Variants in CDKAL1 observed in about 807,000 individuals in gnomAD.
The protein encoded by CDKAL1 is threonylcarbamoyladenosine tRNA methylthiotransferase.
In CDKAL1, 32 loss-of-function variants were observed where a neutral mutation model predicts 68.2. The ratio of observed to expected loss-of-function variants is 0.47; its 90% CI spans 0.35 to 0.63. CDKAL1 has a LOEUF of 0.63. Ranked by LOEUF, CDKAL1 falls within the 30% of genes least tolerant of loss-of-function variation. The pLI is 0.00. For synonymous variants in CDKAL1, 234 were observed against 244.3 expected (o/e 0.96, Z 0.39); for missense variants, 606 against 696.7 (o/e 0.87, Z 1.47).
At chr6:20,808,363 A>G (rs1776657915) in intron 8 of CDKAL1, among the ~76,000 whole-genome samples, 1 of 152,338 alleles carries the variant, frequency 6.6e-6, no homozygotes, top group East Asian at 1.9e-4. Flanking sequence ...CCTACATAAT[A>G]ACCTTGACAT....
intron 12 of CDKAL1, among the ~76,000 whole-genome samples, chr6:21,066,133 C>G (rs918233411): frequency 3.9e-5 from 6 of 151,962 alleles, no homozygotes; most frequent in Non-Finnish European, 8.8e-5. Flanking sequence ...AAGTGAATAT[C>G]AAACACAACA....
chr6:21,055,187 A>G (rs1770759938), intron 11 of CDKAL1, among the ~76,000 whole-genome samples: 1 of 151,092 alleles, frequency 6.6e-6, no homozygotes, highest in Non-Finnish European at 1.5e-5. Flanking sequence ...TGTCAAATCA[A>G]CCTCACATTT....
At chr6:20,941,425 G>T (rs1399406169) in intron 9 of CDKAL1, among the ~76,000 whole-genome samples, 2 of 152,112 alleles carry the variant, frequency 1.3e-5, no homozygotes, top group African/African-American at 2.4e-5. Flanking sequence ...TCCATGCTGT[G>T]CTGCTGCTTA....
intron 13 of CDKAL1, among the ~76,000 whole-genome samples, chr6:21,143,755 G>A (rs1776032849): frequency 6.6e-6 from 1 of 152,168 alleles, no homozygotes; most frequent in Non-Finnish European, 1.5e-5. Flanking sequence ...AAGTCAACCT[G>A]AAAGATTATT....
chr6:20,573,946 G>T (rs1764811223), intron 4 of CDKAL1, among the ~76,000 whole-genome samples: 3 of 152,142 alleles, frequency 2.0e-5, no homozygotes. Context: ...TCAAACATCT[G>T]CATTTTGACT....
At chr6:20,792,564 C>G (rs1244076582) in intron 8 of CDKAL1, among the ~76,000 whole-genome samples, 2 of 152,150 alleles carry the variant, frequency 1.3e-5, no homozygotes, top group Non-Finnish European at 2.9e-5. Flanking sequence ...TCTCCTCCCC[C>G]ACTTTCTCCT....
At chr6:20,817,586 A>T (rs1777099016) in intron 8 of CDKAL1, among the ~76,000 whole-genome samples, 1 of 152,198 alleles carries the variant, frequency 6.6e-6, no homozygotes, top group African/African-American at 2.4e-5. Context: ...GCCCTGGCAG[A>T]CTGTTCACAA....
chr6:20,819,442 G>A (rs1777183646), intron 8 of CDKAL1, among the ~76,000 whole-genome samples: 1 of 152,064 alleles, frequency 6.6e-6, no homozygotes, highest in South Asian at 2.1e-4. Context: ...TAAAAGATGT[G>A]GCAGTATATT....
intron 5 of CDKAL1, among the ~76,000 whole-genome samples, chr6:20,690,522 A>C (rs914175089): frequency 6.6e-6 from 1 of 152,160 alleles, no homozygotes; most frequent in Non-Finnish European, 1.5e-5. Flanking sequence ...TGAGGGAGAC[A>C]CACCCCTGCC....
intron 9 of CDKAL1, among the ~76,000 whole-genome samples, chr6:20,937,550 A>G (rs983658705): frequency 6.6e-6 from 1 of 152,160 alleles, no homozygotes; most frequent in Non-Finnish European, 1.5e-5. Flanking sequence ...CCCACATTAC[A>G]TGTGGTTACC....
At chr6:21,223,225 AT>A (rs1407623974) in intron 15 of CDKAL1, among the ~76,000 whole-genome samples, 2 of 152,204 alleles carry the variant, frequency 1.3e-5, no homozygotes, top group African/African-American at 4.8e-5. Context: ...TTTGTATGGA[AT>A]TATCAATGTA....
intron 13 of CDKAL1, among the ~76,000 whole-genome samples, chr6:21,183,367 G>C (rs1009024555): frequency 6.6e-6 from 1 of 152,140 alleles, no homozygotes; most frequent in Non-Finnish European, 1.5e-5. Context: ...CAGGAGTGCT[G>C]ACCTGTGCTC....
intron 5 of CDKAL1, among the ~76,000 whole-genome samples, chr6:20,652,396 T>G (rs1768813600): frequency 6.6e-6 from 1 of 152,156 alleles, no homozygotes; most frequent in Admixed American, 6.5e-5. Context: ...TGAAGGGAGG[T>G]GGGCATATTA....
At chr6:20,724,174 G>A (rs1772529976) in intron 5 of CDKAL1, among the ~76,000 whole-genome samples, 1 of 152,092 alleles carries the variant, frequency 6.6e-6, no homozygotes, top group African/African-American at 2.4e-5. Context: ...CTGACCTCAA[G>A]TGATCTGCCC....
intron 5 of CDKAL1, among the ~76,000 whole-genome samples, chr6:20,711,748 CTTAG>C (rs764006575): frequency 2.0e-5 from 3 of 152,086 alleles, no homozygotes; most frequent in East Asian, 3.9e-4. Context: ...TTCTGTCATT[CTTAG>C]TTTGTTTGTG....
chr6:20,801,414 C>A (rs77560295), intron 8 of CDKAL1, among the ~76,000 whole-genome samples: 1,704 of 152,324 alleles, frequency 0.011, 25 homozygotes, highest in African/African-American at 0.039. Flanking sequence ...TGTCTACCCA[C>A]CATGAAGATT....
chr6:20,892,004 C>G (rs1761430928), intron 9 of CDKAL1, among the ~76,000 whole-genome samples: 1 of 152,086 alleles, frequency 6.6e-6, no homozygotes, highest in East Asian at 1.9e-4. Context: ...CTCTTCTGCA[C>G]TTGTGCAACT....
intron 11 of CDKAL1, among the ~76,000 whole-genome samples, chr6:21,008,426 C>T (rs1195028295): frequency 6.6e-6 from 1 of 151,888 alleles, no homozygotes; most frequent in Non-Finnish European, 1.5e-5. Context: ...GGTGGAGACC[C>T]AGGAGGAAAT....
intron 4 of CDKAL1, among the ~76,000 whole-genome samples, chr6:20,571,376 G>T (rs1764695213): frequency 1.3e-5 from 2 of 152,114 alleles, no homozygotes; most frequent in East Asian, 3.9e-4. Flanking sequence ...GAACAAGACA[G>T]ATGCAGTCTT....
Sources: allele counts gnomAD v4.1 joint callset (sites outside exome capture counted in the v4.1 genomes callset), GRCh38; gene constraint gnomAD v4.1.1; transcripts MANE v1.5; gene names NCBI Gene and HGNC (gene_info 2026-07-23, HGNC 2026-07-21).